CSMD1: variants seen among roughly 807,000 people sequenced by gnomAD.
CSMD1 encodes CUB and sushi domain-containing protein 1.
A neutral mutation model predicts 417.5 loss-of-function variants in CSMD1; 213 were observed. The observed-to-expected ratio is 0.51, with a 90% CI of 0.46 to 0.57. CSMD1 has a LOEUF of 0.57. Ranked by LOEUF, CSMD1 falls within the 20% of genes least tolerant of loss-of-function variation. The pLI is 0.00. For synonymous variants in CSMD1, 2,862 were observed against 1,736.8 expected (o/e 1.65, Z -16.11); for missense variants, 6,923 against 4,529.7 (o/e 1.53, Z -15.17).
At chr8:4,787,189 C>T (rs531828719) in intron 1 of CSMD1, 1 of 435,748 alleles carries the variant, frequency 2.3e-6, no homozygotes, top group African/African-American at 2.0e-5. Flanking sequence ...GAAAGAGTGG[C>T]GCAGGGTCGC....
At chr8:3,254,214 C>T (rs1285487890) in intron 26 of CSMD1, among the ~76,000 whole-genome samples, 4 of 152,200 alleles carry the variant, frequency 2.6e-5, no homozygotes, top group Non-Finnish European at 1.5e-5. Flanking sequence ...CCACTCTCTT[C>T]TGGCTTGTAG....
rs186347660 is a variant in CSMD1, at chr8:3,354,685, A to C, written c.3304+4467T>G. Among the ~76,000 whole-genome samples the C allele has an allele frequency of 4.3e-4, 65 of 152,042 alleles. No individual in the cohort carries two copies. In the East Asian group the frequency reaches 0.012, roughly 28 times the overall value. Reference sequence around the variant, plus strand: ...TAGTGCCGTTATTGGATTAGCTTTTAAGAAGCAACAGAAACTAACATTTTA... The same window carrying C: ...TAGTGCCGTTATTGGATTAGCTTTTCAGAAGCAACAGAAACTAACATTTTA... On this transcript the variant is annotated intron_variant, in intron 21 of 69. Transcript: ENST00000635120.
chr8:4,275,538 T>G (rs1261770896), intron 3 of CSMD1, among the ~76,000 whole-genome samples: 1 of 152,156 alleles, frequency 6.6e-6, no homozygotes, highest in Non-Finnish European at 1.5e-5. Flanking sequence ...TGTTACACAT[T>G]GGTGAACTTC....
intron 2 of CSMD1, among the ~76,000 whole-genome samples, chr8:4,621,547 GA>G (rs1286490052): frequency 1.3e-5 from 2 of 152,002 alleles, no homozygotes; most frequent in Non-Finnish European, 2.9e-5. Context: ...AATATACATT[GA>G]ATTTTTTATT....
At chr8:2,952,285 T>C (rs1380204358) in intron 65 of CSMD1, among the ~76,000 whole-genome samples, 1 of 152,154 alleles carries the variant, frequency 6.6e-6, no homozygotes, top group Non-Finnish European at 1.5e-5. Context: ...CCCTAACCCA[T>C]TTTTTAAAAA....
rs576482557 is a variant in CSMD1 at position 4,754,947 on chromosome 8, G to A, written c.86-117389C>T. Among the ~76,000 whole-genome samples the A allele has an allele frequency of 2.6e-5, 4 of 152,104 alleles. No homozygotes were observed. The East Asian group carries it at 7.8e-4, about 30-fold the overall frequency. ...AGGTCGGGAGTTCGAAACCAGCCTG[G>A]CCAACATAGTGAAACCCTGTCTCTA... On this transcript the variant is annotated intron_variant, in intron 1 of 69. Coordinates refer to ENST00000635120, the MANE Select transcript of CSMD1 (RefSeq NM_033225.6).
chr8:4,057,458 G>C (rs546097474), intron 3 of CSMD1, among the ~76,000 whole-genome samples: 7 of 152,246 alleles, frequency 4.6e-5, no homozygotes, highest in African/African-American at 1.4e-4. Flanking sequence ...AGTAGGTTGT[G>C]AAAATTTTCA....
intron 1 of CSMD1, among the ~76,000 whole-genome samples, chr8:4,764,787 G>C (rs1414121843): frequency 1.3e-5 from 2 of 148,846 alleles, no homozygotes; most frequent in Non-Finnish European, 3.0e-5. Context: ...GCAGGAGAAT[G>C]GTGTGAACCC....
chr8:4,600,520 A>T (rs928072232), intron 2 of CSMD1, among the ~76,000 whole-genome samples: 1 of 152,228 alleles, frequency 6.6e-6, no homozygotes, highest in Admixed American at 6.5e-5. Flanking sequence ...CTGTTTTTGT[A>T]TGAAAATTAT....
chr8:4,304,596 C>G (rs192645366), intron 3 of CSMD1, among the ~76,000 whole-genome samples: 1 of 152,240 alleles, frequency 6.6e-6, no homozygotes, highest in Admixed American at 6.5e-5. Context: ...GTCAAATCCT[C>G]TTTAATATTT....
chr8:3,091,515 C>T lies in CSMD1; in HGVS notation c.7285+1G>A. On this transcript the variant is annotated splice_donor_variant, in intron 48 of 69. Transcript: ENST00000635120. LOFTEE classifies it high-confidence loss of function. ...ATAAAATCTAAACCTCATTTACTTACCTGCATAGCGAATCTTGAATCCTTT... is the reference window on the plus strand; with the variant it reads ...ATAAAATCTAAACCTCATTTACTTATCTGCATAGCGAATCTTGAATCCTTT... 1 of 1,598,116 alleles carries T rather than the reference C, an allele frequency of 6.3e-7. No individual in the cohort carries two copies. Among genetic ancestry groups the T allele is most frequent in the Non-Finnish European group, 8.5e-7 (1 of 1,175,526 alleles).
In CSMD1 at chr8:3,906,421, T is replaced by G. The variant is rs116749660; in HGVS notation, c.818+91482A>C. 5.0e-3 allele frequency among the ~76,000 whole-genome samples: 769 copies of G among 152,288 alleles called. 3 individuals are homozygous for G. Among genetic ancestry groups the G allele is most frequent in the African/African-American group, 0.018 (741 of 41,566 alleles). The stretch of plus-strand genomic sequence containing the variant: ...TAATCTGTTTTTAACGAACATGATA[T>G]ATAGTAATGTTTAATGCCTTAGAAA... On this transcript the variant is annotated intron_variant, in intron 5 of 69. Transcript: ENST00000635120.
chr8:3,840,899 G>A (rs76118376), intron 5 of CSMD1, among the ~76,000 whole-genome samples: 1 of 151,832 alleles, frequency 6.6e-6, no homozygotes, highest in Non-Finnish European at 1.5e-5. Flanking sequence ...TAGAGACGAG[G>A]TTTCACCATA....
intron 3 of CSMD1, among the ~76,000 whole-genome samples, chr8:4,226,364 A>G (rs1381602465): frequency 1.3e-5 from 2 of 152,340 alleles, no homozygotes; most frequent in East Asian, 1.9e-4. Flanking sequence ...CTGACATACC[A>G]TTTTGCATAT....
chr8:3,114,383 A>T (rs1167638039), intron 42 of CSMD1, among the ~76,000 whole-genome samples: 2 of 151,354 alleles, frequency 1.3e-5, no homozygotes, highest in Non-Finnish European at 2.9e-5. Flanking sequence ...AAGAAATTCC[A>T]TATTAAAAAG....
At position 3,766,595 on chromosome 8, in the gene CSMD1, T is replaced by G. The variant is rs547131953; in HGVS notation, c.819-12553A>C. ...ATATTTTGACTATCAAAAAAGGCAG[T>G]GTCGCCAAACACAGAGATCTCTATA... On this transcript the variant is annotated intron_variant, in intron 5 of 69. Coordinates refer to ENST00000635120, the MANE Select transcript of CSMD1 (RefSeq NM_033225.6). Among the ~76,000 whole-genome samples, 79 of 152,250 alleles carry G rather than the reference T, an allele frequency of 5.2e-4. 1 individual carries two copies. The highest frequency in any genetic ancestry group is 1.0e-3 in the African/African-American group (42 of 41,562).
At chr8:4,078,383 C>T (rs962545427) in intron 3 of CSMD1, among the ~76,000 whole-genome samples, 2 of 142,706 alleles carry the variant, frequency 1.4e-5, no homozygotes, top group Admixed American at 7.3e-5. Context: ...GGCGTGATCT[C>T]GACTCACTGC....
intron 52 of CSMD1, among the ~76,000 whole-genome samples, chr8:3,001,950 T>A (rs1235274998): frequency 6.6e-6 from 1 of 152,192 alleles, no homozygotes; most frequent in Non-Finnish European, 1.5e-5. Flanking sequence ...TTAGAAACAT[T>A]GTGTTCTCCT....
chr8:3,589,771 C>T (rs1034535552), intron 8 of CSMD1, among the ~76,000 whole-genome samples: 4 of 152,058 alleles, frequency 2.6e-5, no homozygotes, highest in African/African-American at 9.7e-5. Context: ...TGAAAAATGA[C>T]AAATATGTGA....
Sources: allele counts gnomAD v4.1 joint callset (sites outside exome capture counted in the v4.1 genomes callset), GRCh38; gene constraint gnomAD v4.1.1; transcripts MANE v1.5; gene names NCBI Gene and HGNC (gene_info 2026-07-23, HGNC 2026-07-21).